The following SNTG1 variants were observed in gnomAD, a reference collection of about 807,000 sequenced individuals.
SNTG1 encodes the protein syntrophin gamma 1.
SNTG1 carries 39 observed loss-of-function variants against 74.7 expected under a neutral mutation model. That is an observed-to-expected ratio of 0.52 (90% confidence interval 0.40 to 0.68). The LOEUF (loss-of-function observed/expected upper bound fraction) is 0.68. Ranked by LOEUF, SNTG1 falls within the 30% of genes least tolerant of loss-of-function variation. SNTG1 has a pLI of 0.00. For synonymous variants in SNTG1, 254 were observed against 217.1 expected, an observed-to-expected ratio of 1.17 and a Z score of -1.49; for missense variants, 685 against 609.5, an observed-to-expected ratio of 1.12 and a Z score of -1.30.
chr8:50,699,830 T>C (rs1397365679), intron 15 of SNTG1, among the ~76,000 whole-genome samples: 1 of 151,534 alleles, frequency 6.6e-6, no homozygotes, highest in African/African-American at 2.4e-5. Flanking sequence ...GTATTTATTT[T>C]ATTGAATCAA....
intron 2 of SNTG1, among the ~76,000 whole-genome samples, chr8:50,252,714 G>A (rs1041693263): frequency 2.0e-5 from 3 of 152,110 alleles, no homozygotes; most frequent in Non-Finnish European, 4.4e-5. Context: ...GATCTTGAGT[G>A]AAGTCATTAC....
At chr8:50,060,611 C>T (rs1329581276) in intron 1 of SNTG1, among the ~76,000 whole-genome samples, 4 of 151,922 alleles carry the variant, frequency 2.6e-5, no homozygotes, top group East Asian at 1.9e-4. Context: ...TGAATCAAAG[C>T]GGTGACAGCA....
At chr8:50,290,113 A>G (rs2089011524) in intron 2 of SNTG1, among the ~76,000 whole-genome samples, 1 of 152,176 alleles carries the variant, frequency 6.6e-6, no homozygotes, top group Admixed American at 6.6e-5. Flanking sequence ...TCCAGGAACC[A>G]TAGCTCTCTA....
In SNTG1 at chr8:50,741,951, T is replaced by C. The variant is rs555237911; in HGVS notation, c.1285-10050T>C. Among the ~76,000 whole-genome samples the C allele has an allele frequency of 8.5e-5, 13 of 152,050 alleles. No individual in the cohort carries two copies. The South Asian group carries it at 2.1e-3, about 24-fold the overall frequency. On this transcript the variant is annotated intron_variant, in intron 17 of 18. Transcript: ENST00000642720. The stretch of plus-strand genomic sequence containing the variant: ...CACTGTAATGGTAGATAAATGTTAT[T>C]ACACATTTGTTAAAATCCATAGTAT...
At chr8:50,397,130 A>G (rs1009351257) in intron 3 of SNTG1, among the ~76,000 whole-genome samples, 5 of 152,242 alleles carry the variant, frequency 3.3e-5, no homozygotes, top group African/African-American at 1.2e-4. Context: ...ATCATTTTTA[A>G]ATGAATCATC....
At chr8:50,305,644 G>A (rs550659367) in intron 2 of SNTG1, among the ~76,000 whole-genome samples, 4 of 150,968 alleles carry the variant, frequency 2.6e-5, no homozygotes, top group African/African-American at 9.7e-5. Flanking sequence ...CACTATATAT[G>A]TGTTAGATCA....
intron 2 of SNTG1, among the ~76,000 whole-genome samples, chr8:50,371,822 T>G (rs2092276193): frequency 6.6e-6 from 1 of 152,212 alleles, no homozygotes; most frequent in Non-Finnish European, 1.5e-5. Context: ...CATTTTTAAC[T>G]TAAAATCAAT....
chr8:50,492,716 G>A (rs1442382589), intron 8 of SNTG1, among the ~76,000 whole-genome samples: 1 of 152,154 alleles, frequency 6.6e-6, no homozygotes, highest in Non-Finnish European at 1.5e-5. Context: ...TTCTTTGGCT[G>A]TGCAGAAGCT....
rs115769424 is a variant in SNTG1 at position 50,250,946 on chromosome 8, A to C, written c.-28+78311A>C. Among the ~76,000 whole-genome samples the C allele has an allele frequency of 5.7e-3, 866 of 152,142 alleles. 9 individuals are homozygous for C. The highest frequency in any genetic ancestry group is 0.02 in the African/African-American group (831 of 41,550). On this transcript the variant is annotated intron_variant, in intron 2 of 18. Transcript: ENST00000642720. ...ATACCCAGAATTCCCTGGTGCTGTA[A>C]TAGTGCTATGAAATTCTTCAATATT...
chr8:50,205,010 A>C (rs989687805), intron 2 of SNTG1, among the ~76,000 whole-genome samples: 26 of 152,180 alleles, frequency 1.7e-4, no homozygotes, highest in African/African-American at 5.6e-4. Flanking sequence ...TGCTATTGTG[A>C]ATAGTGCCGC....
intron 2 of SNTG1, among the ~76,000 whole-genome samples, chr8:50,254,947 A>AC (rs2086812886): frequency 2.0e-5 from 2 of 101,980 alleles, no homozygotes; most frequent in African/African-American, 6.5e-5. Flanking sequence ...TTTTATTGCC[A>AC]CTTTTTTTTT....
chr8:50,044,988 T>C (rs1406318298), intron 1 of SNTG1, among the ~76,000 whole-genome samples: 2 of 152,142 alleles, frequency 1.3e-5, no homozygotes, highest in Non-Finnish European at 1.5e-5. Context: ...GATAGCTAGA[T>C]AGATAAAGAG....
chr8:50,623,395 G>A (rs2094936076), intron 13 of SNTG1, among the ~76,000 whole-genome samples: 1 of 152,024 alleles, frequency 6.6e-6, no homozygotes, highest in Non-Finnish European at 1.5e-5. Flanking sequence ...AAAGGGTGTT[G>A]AATTTTTCAA....
intron 1 of SNTG1, among the ~76,000 whole-genome samples, chr8:49,964,452 A>AGAT (rs1281283542): frequency 3.9e-5 from 6 of 152,340 alleles, no homozygotes; most frequent in East Asian, 3.9e-4. Context: ...CTCTCTACAT[A>AGAT]GATAGCTAGG....
chr8:50,697,848 A>G (rs1193409752), intron 15 of SNTG1, among the ~76,000 whole-genome samples: 1 of 152,120 alleles, frequency 6.6e-6, no homozygotes, highest in Non-Finnish European at 1.5e-5. Context: ...GAATTTATTG[A>G]TAATTTTTAT....
intron 4 of SNTG1, among the ~76,000 whole-genome samples, chr8:50,426,455 T>C (rs899658859): frequency 2.0e-5 from 3 of 151,692 alleles, no homozygotes; most frequent in Non-Finnish European, 4.4e-5. Flanking sequence ...ATTTTAAAAA[T>C]AAAATAATAA....
At chr8:50,420,416 A>G (rs1046616524) in intron 4 of SNTG1, among the ~76,000 whole-genome samples, 2 of 152,138 alleles carry the variant, frequency 1.3e-5, no homozygotes, top group South Asian at 2.1e-4. Flanking sequence ...CCAAAATTCT[A>G]TATCTGTGAA....
At chr8:50,139,397 G>A (rs146908302) in intron 1 of SNTG1, among the ~76,000 whole-genome samples, 1,574 of 152,216 alleles carry the variant, frequency 0.01, 4 homozygotes, top group Non-Finnish European at 0.015. Flanking sequence ...CCTAAATATG[G>A]ATGTAGTCTA....
chr8:50,177,977 C>T (rs1354097230), intron 2 of SNTG1, among the ~76,000 whole-genome samples: 1 of 152,162 alleles, frequency 6.6e-6, no homozygotes. Context: ...AGTAGATAGC[C>T]TTTCAGAATG....
Sources: gnomAD v4.1 joint callset for allele counts (sites outside exome capture counted in the v4.1 genomes callset) on GRCh38, gnomAD v4.1.1 for gene constraint, MANE v1.5 for transcripts, NCBI Gene and HGNC (gene_info 2026-07-23, HGNC 2026-07-21) for gene names.